Variants in CLYBL observed in about 807,000 individuals in gnomAD.
CLYBL encodes the protein citramalyl-CoA lyase.
CLYBL carries 31 observed loss-of-function variants against 38.9 expected under a neutral mutation model. That is an observed-to-expected ratio of 0.80 (90% confidence interval 0.60 to 1.08). The LOEUF (loss-of-function observed/expected upper bound fraction) is 1.08, where lower values mean the gene tolerates loss of function less well. CLYBL is among the 50% of genes least tolerant of loss of function. The probability of loss-of-function intolerance (pLI) is 0.00; values close to 1 mark genes in which losing one functional copy is unlikely to be tolerated. For synonymous variants in CLYBL, 171 were observed against 158.6 expected (o/e 1.08, Z -0.59); for missense variants, 434 against 411.6 (o/e 1.05, Z -0.47).
chr13:99,866,458 A>C, intron 6 of CLYBL, 51 bp downstream of exon 6: 1 of 1,561,770 alleles, frequency 6.4e-7, no homozygotes, highest in Admixed American at 2.0e-5. Context: ...GCATTCCAGA[A>C]AAATAGAAAT....
chr13:99,784,360 A>G (rs918202975), intron 2 of CLYBL, among the ~76,000 whole-genome samples: 2 of 149,186 alleles, frequency 1.3e-5, no homozygotes, highest in African/African-American at 2.4e-5. Flanking sequence ...TGATATAGGT[A>G]TTTGATTCCC....
chr13:99,665,935 C>T (rs2047475339), intron 1 of CLYBL, among the ~76,000 whole-genome samples: 1 of 152,172 alleles, frequency 6.6e-6, no homozygotes, highest in African/African-American at 2.4e-5. Flanking sequence ...AACGACCCTA[C>T]TGTTTTTTAA....
intron 1 of CLYBL, among the ~76,000 whole-genome samples, chr13:99,695,094 A>T (rs892474878): frequency 5.9e-5 from 9 of 152,146 alleles, no homozygotes; most frequent in African/African-American, 2.2e-4. Flanking sequence ...GGCTCCAATT[A>T]TTCCAGAATT....
chr13:99,740,102 A>G (rs2048727672), intron 1 of CLYBL, among the ~76,000 whole-genome samples: 1 of 152,254 alleles, frequency 6.6e-6, no homozygotes, highest in Non-Finnish European at 1.5e-5. Context: ...GCTGCTTCCC[A>G]GTGGCCATAA....
At chr13:99,891,538 TG>T (rs2052490041) in intron 8 of CLYBL, 101 bp downstream of exon 8, 4 of 628,598 alleles carry the variant, frequency 6.4e-6, no homozygotes, top group Non-Finnish European at 1.1e-5. Flanking sequence ...TTACAGTTCA[TG>T]TTAATCACAA....
intron 1 of CLYBL, among the ~76,000 whole-genome samples, chr13:99,632,158 AGAG>A (rs1284773216): frequency 1.3e-5 from 2 of 152,200 alleles, no homozygotes; most frequent in African/African-American, 4.8e-5. Flanking sequence ...GAAACCCCAG[AGAG>A]GAGGGAGCTA....
intron 1 of CLYBL, among the ~76,000 whole-genome samples, chr13:99,737,551 G>T (rs527931036): frequency 8.5e-5 from 13 of 152,288 alleles, no homozygotes; most frequent in African/African-American, 3.1e-4. Context: ...CTCCTTTCCA[G>T]GGAAGTGGCA....
At chr13:99,702,120 G>A (rs1183140427) in intron 1 of CLYBL, among the ~76,000 whole-genome samples, 1 of 151,814 alleles carries the variant, frequency 6.6e-6, no homozygotes, top group Non-Finnish European at 1.5e-5. Flanking sequence ...TTTTTGTTTT[G>A]TTTTTTAGGG....
At chr13:99,890,053 T>A (rs2052448746) in intron 7 of CLYBL, among the ~76,000 whole-genome samples, 1 of 152,218 alleles carries the variant, frequency 6.6e-6, no homozygotes. Context: ...AAGGAAGTGA[T>A]GAAAAGAACA....
intron 7 of CLYBL, among the ~76,000 whole-genome samples, chr13:99,881,890 C>T (rs1237839559): frequency 6.6e-6 from 1 of 152,094 alleles, no homozygotes; most frequent in Non-Finnish European, 1.5e-5. Flanking sequence ...TCTAGTATTT[C>T]TGGTATTGTA....
At chr13:99,751,395 A>G (rs1050774819) in intron 1 of CLYBL, among the ~76,000 whole-genome samples, 4 of 151,996 alleles carry the variant, frequency 2.6e-5, no homozygotes, top group African/African-American at 9.7e-5. Context: ...TAATGTTTGC[A>G]TTTTTAGTAG....
chr13:99,773,131 C>T (rs2049435259), intron 2 of CLYBL, 121 bp downstream of exon 2: 8 of 810,620 alleles, frequency 9.9e-6, no homozygotes, highest in South Asian at 8.2e-5. Flanking sequence ...TGATTATTAA[C>T]AATTCTTTGA....
chr13:99,666,379 C>T (rs1461173201), intron 1 of CLYBL, among the ~76,000 whole-genome samples: 3 of 152,110 alleles, frequency 2.0e-5, no homozygotes, highest in Admixed American at 6.5e-5. Context: ...GGGGATGACT[C>T]GGTGGGTGTG....
At chr13:99,655,579 G>T (rs1447784724) in intron 1 of CLYBL, among the ~76,000 whole-genome samples, 5 of 152,242 alleles carry the variant, frequency 3.3e-5, no homozygotes, top group Non-Finnish European at 4.4e-5. Context: ...GCTTGGCAGA[G>T]CCTGGGGTGG....
intron 6 of CLYBL, among the ~76,000 whole-genome samples, chr13:99,868,746 C>G (rs1040789108): frequency 6.6e-6 from 1 of 151,754 alleles, no homozygotes; most frequent in African/African-American, 2.4e-5. Flanking sequence ...AAAAAAGAAA[C>G]CAAAACTAAA....
intron 2 of CLYBL, among the ~76,000 whole-genome samples, chr13:99,786,981 G>A (rs2049809466): frequency 6.6e-6 from 1 of 151,984 alleles, no homozygotes; most frequent in Non-Finnish European, 1.5e-5. Context: ...TTTTTCATGT[G>A]TGTGTTGGCT....
At chr13:99,651,704 G>A (rs2139303025) in intron 1 of CLYBL, among the ~76,000 whole-genome samples, 1 of 152,214 alleles carries the variant, frequency 6.6e-6, no homozygotes, top group South Asian at 2.1e-4. Context: ...GGGAGAGGTG[G>A]GTGGATCATG....
At chr13:99,621,284 C>T (rs2046792424) in intron 1 of CLYBL, among the ~76,000 whole-genome samples, 1 of 152,168 alleles carries the variant, frequency 6.6e-6, no homozygotes, top group Admixed American at 6.5e-5. Context: ...CTCACCTATC[C>T]TCCATCTTTC....
intron 1 of CLYBL, among the ~76,000 whole-genome samples, chr13:99,741,605 G>A (rs572961460): frequency 6.6e-6 from 1 of 152,362 alleles, no homozygotes; most frequent in Admixed American, 6.5e-5. Context: ...AGACAAGAGT[G>A]CAGTGGCATG....
Sources: gnomAD v4.1 joint callset for allele counts (sites outside exome capture counted in the v4.1 genomes callset) on GRCh38, gnomAD v4.1.1 for gene constraint, MANE v1.5 for transcripts, NCBI Gene and HGNC (gene_info 2026-07-23, HGNC 2026-07-21) for gene names.